HMGXB3: variants seen among roughly 807,000 people sequenced by gnomAD.
HMGXB3 encodes HMG-box containing 3, also known as HMG domain-containing protein 3.
Under a neutral mutation model 121.5 loss-of-function variants are expected in HMGXB3, and 45 were observed. That is an observed-to-expected ratio of 0.37 (90% CI 0.29 to 0.47). The LOEUF (loss-of-function observed/expected upper bound fraction) is 0.47, where lower values mean the gene tolerates loss of function less well. Among genes scored for constraint, HMGXB3 ranks in the 20% least tolerant of loss-of-function variants. The pLI is 0.99. For synonymous variants in HMGXB3, 590 were observed against 624.1 expected, an observed-to-expected ratio of 0.95 and a Z score of 0.81; for missense variants, 1,376 against 1,602.2, an observed-to-expected ratio of 0.86 and a Z score of 2.41.
At chr5:150,022,305 A>G (rs999524598) in intron 6 of HMGXB3, among the ~76,000 whole-genome samples, 1 of 152,168 alleles carries the variant, frequency 6.6e-6, no homozygotes, top group African/African-American at 2.4e-5. Flanking sequence ...CTTTTGTTGT[A>G]TTGTTCTAGA....
At chr5:150,005,415 C>T (rs979122655) in intron 2 of HMGXB3, among the ~76,000 whole-genome samples, 1 of 151,984 alleles carries the variant, frequency 6.6e-6, no homozygotes, top group Admixed American at 6.5e-5. Context: ...GCCTGACCAA[C>T]GTGGAGAAAC....
At chr5:150,022,986 A>ATTTTT (rs56092645) in intron 6 of HMGXB3, among the ~76,000 whole-genome samples, 4 of 100,878 alleles carry the variant, frequency 4.0e-5, no homozygotes, top group African/African-American at 1.8e-4. Flanking sequence ...TGCCTGGCTA[A>ATTTTT]TTTTTTTTTT....
chr5:150,037,676 C>T (rs749396426), intron 13 of HMGXB3, 149 bp downstream of exon 13: 4 of 595,460 alleles, frequency 6.7e-6, no homozygotes, highest in African/African-American at 5.8e-5. Context: ...TGTCTTAGTC[C>T]CACAAGATGA....
At chr5:150,050,106 G>A in intron 18 of HMGXB3, 146 bp from the exon 19 acceptor site, 2 of 685,486 alleles carry the variant, frequency 2.9e-6, no homozygotes, top group East Asian at 2.7e-5. Context: ...GAAGGGAGCA[G>A]CATGCCATGG....
intron 11 of HMGXB3, among the ~76,000 whole-genome samples, chr5:150,036,099 G>A (rs1013665662): frequency 2.0e-5 from 3 of 152,170 alleles, no homozygotes; most frequent in Non-Finnish European, 2.9e-5. Context: ...ATACACAGCT[G>A]TTAAGTGGCA....
At chr5:150,022,372 G>C (rs1176824382) in intron 6 of HMGXB3, among the ~76,000 whole-genome samples, 1 of 152,150 alleles carries the variant, frequency 6.6e-6, no homozygotes, top group Non-Finnish European at 1.5e-5. Flanking sequence ...CAATGAGTTG[G>C]ATAAAACAAA....
Position 150,027,084 on chromosome 5 carries a change from C to T in HMGXB3, c.1701C>T (p.Pro567=), listed in dbSNP as rs202151681. ...GCACACTGAAGCAGCTGGGCCAGCCCATTCAACAGCCATCTGGCCCTGGTG... is the reference window on the plus strand; with the variant it reads ...GCACACTGAAGCAGCTGGGCCAGCCTATTCAACAGCCATCTGGCCCTGGTG... ...KPSTLKQLGQ[P]IQQPSGPGEV... The change falls in exon 9 of 20, where the codon CCC becomes CCT. Residue 567 remains proline (P), a synonymous_variant. Transcript: ENST00000502717. 3.7e-5 allele frequency: 57 copies of T among 1,551,558 alleles called. No homozygotes were observed. The highest frequency in any genetic ancestry group is 4.8e-5 in the Non-Finnish European group (55 of 1,146,988).
chr5:150,052,136 A>G lies in HMGXB3; in HGVS notation c.3823A>G (p.Lys1275Glu), dbSNP rs892548764. The change falls in exon 20 of 20, where the codon AAG becomes GAG. Residue 1275 changes from lysine (K) to glutamate (E), a missense_variant. Physicochemically the swap from Lys to Glu is moderately conservative, Grantham distance 56. Coordinates refer to ENST00000502717, the MANE Select transcript of HMGXB3 (RefSeq NM_014983.3). ...TLYRLGVAQI[K>E]TETEEEGEEE... is the part of the protein sequence containing the mutation. ...CTACCGCCTTGGGGTTGCTCAGATC[A>G]AGACAGAGACAGAGGAGGAGGGTGA... is the stretch of plus-strand genomic sequence containing the variant. 6.4e-7 allele frequency: 1 copy of G among 1,551,394 alleles called. No individual in the cohort carries two copies. The highest frequency in any genetic ancestry group is 8.7e-7 in the Non-Finnish European group (1 of 1,146,898).
At chr5:150,012,548 G>A (rs570294040) in intron 5 of HMGXB3, among the ~76,000 whole-genome samples, 195 bp downstream of exon 5, 36 of 152,228 alleles carry the variant, frequency 2.4e-4, no homozygotes, top group Non-Finnish European at 4.6e-4. Flanking sequence ...TAATGGGGGT[G>A]AGGGGGTTGT....
At chr5:150,007,939 C>T (rs959311943) in intron 3 of HMGXB3, among the ~76,000 whole-genome samples, 5 of 151,958 alleles carry the variant, frequency 3.3e-5, no homozygotes, top group Admixed American at 1.3e-4. Context: ...CACCTGTAGT[C>T]CCAGCCACTC....
chr5:150,008,055 T>TCACACACACACACACA (rs70973560), intron 3 of HMGXB3, among the ~76,000 whole-genome samples: 1 of 130,028 alleles, frequency 7.7e-6, no homozygotes. Flanking sequence ...AGACTCTGTT[T>TCACACACACACACACA]CACACACACA....
Position 150,047,491 on chromosome 5 carries a change from G to A in HMGXB3, c.2951-133G>A, listed in dbSNP as rs527693587. 31 of 1,046,778 alleles carry A rather than the reference G, an allele frequency of 3.0e-5. 1 individual carries two copies. Among genetic ancestry groups the A allele is most frequent in the South Asian group, 1.3e-4 (8 of 60,734 alleles). The allele number at this position is 1,046,778 out of a possible 1,614,324, so 64.8% of individuals were successfully genotyped here. A position where few individuals can be genotyped will look rare whatever the true frequency, so the allele number is the denominator to read the frequency against. ...TGCAGAAAGCGTGGACCTGACTTGA[G>A]TTCCACCTCTGCCAGCACTGGGGGA... is the stretch of plus-strand genomic sequence containing the variant. On this transcript the variant is annotated intron_variant, in intron 16 of 19. Coordinates refer to ENST00000502717, the MANE Select transcript of HMGXB3 (RefSeq NM_014983.3).
Position 150,004,888 on chromosome 5 carries a change from C to T in HMGXB3, c.36C>T (p.Val12=), listed in dbSNP as rs748575131. Reference sequence around the variant, plus strand: ...CATATGATGGTACTGAGGTAACTGTCGTGATGGAGGAAATTGAGGAAGCCT... The same window carrying T: ...CATATGATGGTACTGAGGTAACTGTTGTGATGGAGGAAATTGAGGAAGCCT... ...DASYDGTEVT[V]VMEEIEEAYC... The change falls in exon 2 of 20, where the codon GTC becomes GTT. Residue 12 remains valine, a synonymous_variant. Transcript: ENST00000502717. The T allele has an allele frequency of 2.8e-5, 43 of 1,551,470 alleles. 1 individual carries two copies. The highest frequency in any genetic ancestry group is 1.5e-4 in the South Asian group (13 of 84,040).
intron 2 of HMGXB3, among the ~76,000 whole-genome samples, chr5:150,005,699 C>T (rs888037170): frequency 3.9e-5 from 6 of 152,080 alleles, no homozygotes; most frequent in African/African-American, 1.4e-4. Flanking sequence ...TCTAACTTCA[C>T]TCTTGACTGT....
intron 3 of HMGXB3, among the ~76,000 whole-genome samples, chr5:150,008,542 T>C (rs1755760998): frequency 6.6e-6 from 1 of 152,238 alleles, no homozygotes; most frequent in Admixed American, 6.5e-5. Context: ...CTTTATGTGC[T>C]GTGTTTGACC....
At chr5:150,042,096 C>T (rs894781004) in intron 15 of HMGXB3, 127 bp downstream of exon 15, 12 of 636,170 alleles carry the variant, frequency 1.9e-5, no homozygotes, top group Non-Finnish European at 2.6e-5. Context: ...TGAGTTTTTC[C>T]TCCCACAGCC....
intron 16 of HMGXB3, 39 bp from the exon 17 acceptor site, chr5:150,047,585 G>A (rs1253741159): frequency 6.5e-7 from 1 of 1,550,230 alleles, no homozygotes; most frequent in Non-Finnish European, 8.7e-7. Flanking sequence ...CTGGTGACTG[G>A]CGGCAGCACC....
chr5:150,017,810 C>T (rs1755992002), intron 5 of HMGXB3, among the ~76,000 whole-genome samples: 2 of 152,048 alleles, frequency 1.3e-5, no homozygotes, highest in South Asian at 4.1e-4. Flanking sequence ...AATCTAGAAG[C>T]GGAGCATGAC....
intron 13 of HMGXB3, among the ~76,000 whole-genome samples, chr5:150,038,893 C>G (rs1342909417): frequency 1.3e-5 from 2 of 152,160 alleles, no homozygotes; most frequent in African/African-American, 4.8e-5. Flanking sequence ...ACAAATAGAG[C>G]TGCTACAAAT....
Sources: gnomAD v4.1 joint callset for allele counts (sites outside exome capture counted in the v4.1 genomes callset) on GRCh38, gnomAD v4.1.1 for gene constraint, MANE v1.5 for transcripts, NCBI Gene and HGNC (gene_info 2026-07-23, HGNC 2026-07-21) for gene names.